OTOG: variants seen among roughly 807,000 people sequenced by gnomAD.
OTOG encodes otogelin.
OTOG carries 296 observed loss-of-function variants against 313.8 expected under a neutral mutation model. The ratio of observed to expected loss-of-function variants is 0.94; its 90% CI spans 0.86 to 1.04. The LOEUF (loss-of-function observed/expected upper bound fraction) is 1.04, where lower values mean the gene tolerates loss of function less well. OTOG is among the 50% of genes least tolerant of loss of function. The pLI, the probability that OTOG is intolerant of heterozygous loss-of-function variation, is 0.00. For missense variants in OTOG, 3,948 were observed against 3,840.1 expected (o/e 1.03, Z -0.74); for synonymous variants, 1,533 against 1,554.9 (o/e 0.99, Z 0.33).
At position 17,591,522 on chromosome 11, in the gene OTOG, G is replaced by T. The variant is rs1374855538; in HGVS notation, c.2940G>T (p.Arg980=). 6.4e-7 allele frequency: 1 copy of T among 1,550,670 alleles called. No homozygotes were observed. The highest frequency in any genetic ancestry group is 8.7e-7 in the Non-Finnish European group (1 of 1,147,024). ...CASTCTAYGD[R]HYRTFDGLPF... ...CCACCTGCACTGCCTATGGGGACCG[G>T]CATTACCGCACGTTTGATGGGCTCC... The change falls in exon 25 of 56, where the codon CGG becomes CGT. Residue 980 remains arginine, a synonymous_variant. Coordinates refer to ENST00000399397, the MANE Select transcript of OTOG (RefSeq NM_001292063.2).
Position 17,594,129 on chromosome 11 carries a change from AC to A in OTOG, c.3376del (p.Gln1126ArgfsTer24), listed in dbSNP as rs1274165975. ...MRTPENLELT[N>X]PQEFGSSWAA... ...ACCCCGGAGAACCTAGAGCTAACTA[AC>A]CCCCAGGAGTTTGGCAGCAGTTGGG... On this transcript the variant is annotated frameshift_variant, in exon 28 of 56. Transcript: ENST00000399397. LOFTEE classifies it high-confidence loss of function. The A allele has an allele frequency of 6.5e-7, 1 of 1,550,382 alleles. No homozygotes were observed.
At position 17,605,840 on chromosome 11, in the gene OTOG, C is replaced by T. The variant is rs144698690; in HGVS notation, c.3878-17C>T. 597 of 1,524,424 alleles carry T rather than the reference C, an allele frequency of 3.9e-4. 4 individuals carry two copies. In the East Asian group the frequency reaches 0.015, roughly 37 times the overall value. 94.4% of individuals were successfully genotyped at this position (1,524,424 alleles called of 1,614,324 possible). A position where few individuals can be genotyped will look rare whatever the true frequency, so the allele number is the denominator to read the frequency against. On this transcript the variant is annotated splice_polypyrimidine_tract_variant and intron_variant, in intron 32 of 55. Coordinates refer to ENST00000399397, the MANE Select transcript of OTOG (RefSeq NM_001292063.2). ...GACCTCTGCCTGTACTGACTCTCCCCATGTGGTTCTCTGCAGACCCAGATG... is the reference window on the plus strand; with the variant it reads ...GACCTCTGCCTGTACTGACTCTCCCTATGTGGTTCTCTGCAGACCCAGATG...
intron 15 of OTOG, among the ~76,000 whole-genome samples, chr11:17,564,956 G>A (rs903964666): frequency 2.0e-5 from 3 of 152,090 alleles, no homozygotes; most frequent in Non-Finnish European, 2.9e-5. Flanking sequence ...TTTTAAAGTA[G>A]ACTTTATGTT....
At chr11:17,644,913 G>A (rs1848043532) in intron 54 of OTOG, among the ~76,000 whole-genome samples, 2 of 152,152 alleles carry the variant, frequency 1.3e-5, no homozygotes, top group South Asian at 4.1e-4. Flanking sequence ...CCTGGGAGAG[G>A]AGATATTGCA....
Position 17,593,849 on chromosome 11 carries a change from A to G in OTOG, c.3288+93A>G, listed in dbSNP as rs1853019318. ...GAGCTGTACCCTCCCTGAGGAGCCA[A>G]GAAGAGCATGCCTCTGTTCTCTCCT... On this transcript the variant is annotated intron_variant, in intron 27 of 55. Coordinates refer to ENST00000399397, the MANE Select transcript of OTOG (RefSeq NM_001292063.2). The G allele has an allele frequency of 2.2e-5, 33 of 1,471,136 alleles. 1 individual carries two copies. Among genetic ancestry groups the G allele is most frequent in the Middle Eastern group, 4.8e-4 (2 of 4,160 alleles). The allele number at this position is 1,471,136 out of a possible 1,614,324, so 91.1% of individuals were successfully genotyped here. A position where few individuals can be genotyped will look rare whatever the true frequency, so the allele number is the denominator to read the frequency against.
intron 39 of OTOG, 72 bp from the exon 40 acceptor site, chr11:17,629,061 C>G: frequency 7.2e-7 from 1 of 1,385,520 alleles, no homozygotes; most frequent in South Asian, 1.4e-5. Flanking sequence ...AATGGATGGA[C>G]GGACAGATGG....
In OTOG at chr11:17,551,956, T is replaced by A. The variant is rs1031215057; in HGVS notation, c.217-44T>A. The A allele has an allele frequency of 3.9e-6, 6 of 1,531,708 alleles. No individual in the cohort carries two copies. In the African/African-American group the frequency reaches 8.3e-5, roughly 21 times the overall value. The allele number at this position is 1,531,708 out of a possible 1,614,324, so 94.9% of individuals were successfully genotyped here. On this transcript the variant is annotated intron_variant, in intron 3 of 55. Coordinates refer to ENST00000399397, the MANE Select transcript of OTOG (RefSeq NM_001292063.2). ...AGGAAGCCTGCCTGGGAACCCGTCC[T>A]GAGGTCAGCCCTCGATGTGTTCTCT...
chr11:17,591,721 T>C, intron 25 of OTOG, 133 bp downstream of exon 25: 6 of 1,186,016 alleles, frequency 5.1e-6, no homozygotes, highest in Non-Finnish European at 7.0e-6. Context: ...ATCTAGAGAC[T>C]GGAAGAAGTG....
chr11:17,591,839 T>C (rs1429411150), intron 25 of OTOG, among the ~76,000 whole-genome samples: 3 of 152,266 alleles, frequency 2.0e-5, no homozygotes, highest in African/African-American at 7.2e-5. Context: ...TGCTTTTTTC[T>C]GTCTATAATA....
intron 23 of OTOG, among the ~76,000 whole-genome samples, chr11:17,581,798 T>G (rs1191482229): frequency 6.6e-6 from 1 of 152,240 alleles, no homozygotes; most frequent in Admixed American, 6.5e-5. Context: ...TATATAATGT[T>G]TATCTATTCT....
intron 8 of OTOG, 148 bp from the exon 9 acceptor site, chr11:17,558,037 A>G (rs1589996949): frequency 1.9e-6 from 2 of 1,047,456 alleles, no homozygotes; most frequent in East Asian, 2.6e-5. Context: ...TCAGTTGGGA[A>G]ACCCTGATTG....
intron 54 of OTOG, 67 bp downstream of exon 54, chr11:17,643,573 G>C: frequency 1.7e-6 from 2 of 1,198,282 alleles, no homozygotes; most frequent in Non-Finnish European, 2.2e-6. Context: ...TCATGTCAGG[G>C]GACAGAGGAC....
chr11:17,627,298 A>G (rs1319136443), intron 39 of OTOG, among the ~76,000 whole-genome samples: 4 of 142,890 alleles, frequency 2.8e-5, no homozygotes, highest in African/African-American at 8.3e-5. Context: ...TTCCTTTTAT[A>G]CTCATTTTTT....
rs1204046153 is a variant in OTOG at position 17,610,689 on chromosome 11, C to T, written c.5389C>T (p.Gln1797Ter). 6.4e-7 allele frequency: 1 copy of T among 1,550,604 alleles called. No individual in the cohort carries two copies. Among genetic ancestry groups the T allele is most frequent in the East Asian group, 2.4e-5 (1 of 40,906 alleles). ...FMSLESTRPSQLLSGLPPDTS... is the reference protein window; with the variant it reads ...FMSLESTRPS ...GTCCCTTGAGTCAACTCGTCCCTCC[C>T]AGCTCCTCTCTGGCCTGCCTCCCGA... The change falls in exon 36 of 56, where the codon CAG becomes TAG. Residue 1797 changes from glutamine (Q) to a stop codon, truncating the protein, a stop_gained. Transcript: ENST00000399397. LOFTEE classifies it high-confidence loss of function.
intron 39 of OTOG, among the ~76,000 whole-genome samples, chr11:17,620,592 G>T (rs1027318916): frequency 1.3e-5 from 2 of 152,108 alleles, no homozygotes; most frequent in African/African-American, 4.8e-5. Flanking sequence ...TAAGAAATCT[G>T]CTGTCATTCT....
At chr11:17,585,350 A>G in intron 23 of OTOG, among the ~76,000 whole-genome samples, 1 of 152,164 alleles carries the variant, frequency 6.6e-6, no homozygotes, top group Non-Finnish European at 1.5e-5. Flanking sequence ...CTGTAGCAAT[A>G]TCTCCTCTTT....
rs986259373 is a variant in OTOG at position 17,557,311 on chromosome 11, G to T, written c.853G>T (p.Val285Leu). The change falls in exon 8 of 56, where the codon GTG becomes TTG. Residue 285 changes from valine (V) to leucine (L), a missense_variant. Physicochemically the swap from Val to Leu is conservative, Grantham distance 32. Transcript: ENST00000399397. The part of the protein sequence containing the change: ...NNNADPKDDL[V>L]TSSGKLTDDV... ...CAATGCTGACCCCAAGGATGATCTGGTGACCAGCTCTGGTGAGGGTCAGAC... is the reference window on the plus strand; with the variant it reads ...CAATGCTGACCCCAAGGATGATCTGTTGACCAGCTCTGGTGAGGGTCAGAC... 3 of 1,550,552 alleles carry T rather than the reference G, an allele frequency of 1.9e-6. No homozygotes were observed. The East Asian group carries it at 7.3e-5, about 38-fold the overall frequency.
chr11:17,608,549 CG>C (rs1431986935), intron 34 of OTOG, 136 bp downstream of exon 34: 4 of 601,024 alleles, frequency 6.7e-6, no homozygotes, highest in Admixed American at 7.3e-5. Flanking sequence ...TGTGTCTTTC[CG>C]TATATGCACA....
At position 17,558,335 on chromosome 11, in the gene OTOG, ACTC is replaced by A; in HGVS notation, c.996+22_996+24del. On this transcript the variant is annotated intron_variant, in intron 9 of 55. Coordinates refer to ENST00000399397, the MANE Select transcript of OTOG (RefSeq NM_001292063.2). Reference sequence around the variant, plus strand: ...ATGCAGGTCTGGAGCTTGGGGAGAAACTCCCCTACCCTAGAGCCTGACTTGCTA... The same window carrying A: ...ATGCAGGTCTGGAGCTTGGGGAGAAACCCTACCCTAGAGCCTGACTTGCTA... 6.5e-7 allele frequency: 1 copy of A among 1,549,624 alleles called. No homozygotes were observed. Among genetic ancestry groups the A allele is most frequent in the Non-Finnish European group, 8.7e-7 (1 of 1,146,478 alleles).
Sources: allele counts gnomAD v4.1 joint callset (sites outside exome capture counted in the v4.1 genomes callset), GRCh38; gene constraint gnomAD v4.1.1; transcripts MANE v1.5; gene names NCBI Gene and HGNC (gene_info 2026-07-23, HGNC 2026-07-21).